THRB: variants seen among roughly 807,000 people sequenced by gnomAD.
The protein encoded by THRB is thyroid hormone receptor beta.
THRB carries 12 observed loss-of-function variants against 47.8 expected under a neutral mutation model. The ratio of observed to expected loss-of-function variants is 0.25; its 90% confidence interval spans 0.16 to 0.41. The LOEUF (loss-of-function observed/expected upper bound fraction) is 0.41, where lower values mean the gene tolerates loss of function less well. Among genes scored for constraint, THRB ranks in the 10% least tolerant of loss-of-function variants. THRB has a pLI of 1.00. For synonymous variants in THRB, 218 were observed against 212.2 expected (o/e 1.03, Z -0.24); for missense variants, 348 against 589.2 (o/e 0.59, Z 4.24).
intron 1 of THRB, among the ~76,000 whole-genome samples, chr3:24,463,971 G>C (rs184736792): frequency 6.6e-6 from 1 of 152,200 alleles, no homozygotes; most frequent in South Asian, 2.1e-4. Flanking sequence ...TTGCGGCTGG[G>C]CGCGGTGGCT....
At chr3:24,354,267 T>A (rs1553725603) in intron 1 of THRB, among the ~76,000 whole-genome samples, 1 of 152,012 alleles carries the variant, frequency 6.6e-6, no homozygotes, top group South Asian at 2.1e-4. Flanking sequence ...AAATAACTAA[T>A]GAGTAGTAGG....
At chr3:24,244,999 G>C (rs1255242430) in intron 3 of THRB, among the ~76,000 whole-genome samples, 2 of 152,136 alleles carry the variant, frequency 1.3e-5, no homozygotes, top group African/African-American at 2.4e-5. Context: ...AGTGCACAAA[G>C]GGTCTGTTTG....
intron 1 of THRB, among the ~76,000 whole-genome samples, chr3:24,486,857 T>C (rs1358029580): frequency 1.3e-5 from 2 of 152,238 alleles, no homozygotes; most frequent in South Asian, 2.1e-4. Context: ...CTATTCCCTG[T>C]TGCAGCTACA....
chr3:24,366,640 GAGA>G (rs1191443900), intron 1 of THRB, among the ~76,000 whole-genome samples: 8 of 43,170 alleles, frequency 1.9e-4, no homozygotes, highest in Admixed American at 4.2e-4. Flanking sequence ...TTTTTTTTTT[GAGA>G]AGGAGTCTCT....
chr3:24,370,642 C>G (rs1393850852), intron 1 of THRB, among the ~76,000 whole-genome samples: 1 of 152,100 alleles, frequency 6.6e-6, no homozygotes, highest in Non-Finnish European at 1.5e-5. Context: ...GGACAGTCTT[C>G]TAAACCAAAA....
chr3:24,481,229 G>GTTTTGTTT (rs1696316795), intron 1 of THRB, among the ~76,000 whole-genome samples: 5 of 55,380 alleles, frequency 9.0e-5, no homozygotes, highest in African/African-American at 3.8e-4. Context: ...GTTTCTTTCT[G>GTTTTGTTT]TTTTTTTTTT....
intron 2 of THRB, among the ~76,000 whole-genome samples, chr3:24,308,404 G>A (rs979282361): frequency 6.6e-5 from 10 of 152,174 alleles, no homozygotes; most frequent in Non-Finnish European, 1.2e-4. Flanking sequence ...TCTTTGCCAA[G>A]CCTTGTTTGA....
intron 3 of THRB, among the ~76,000 whole-genome samples, chr3:24,233,998 A>G (rs1433679368): frequency 6.6e-6 from 1 of 152,172 alleles, no homozygotes; most frequent in Non-Finnish European, 1.5e-5. Flanking sequence ...GCCTCTCTTG[A>G]GATGACCTGG....
At chr3:24,224,169 G>C (rs193089715) in intron 4 of THRB, among the ~76,000 whole-genome samples, 1 of 150,746 alleles carries the variant, frequency 6.6e-6, no homozygotes, top group East Asian at 1.9e-4. Context: ...ACATAGTAGA[G>C]TTTATCCAGA....
intron 1 of THRB, among the ~76,000 whole-genome samples, chr3:24,479,098 A>C (rs1179423685): frequency 6.6e-6 from 1 of 152,122 alleles, no homozygotes; most frequent in Non-Finnish European, 1.5e-5. Flanking sequence ...GGAGATCGAG[A>C]CCATCCTGGC....
chr3:24,351,304 G>A (rs760423720), intron 1 of THRB, among the ~76,000 whole-genome samples: 3 of 151,914 alleles, frequency 2.0e-5, no homozygotes, highest in Admixed American at 6.6e-5. Flanking sequence ...TGAAAGTTAC[G>A]TAAAGGATAT....
chr3:24,431,256 C>G (rs1240067894), intron 1 of THRB: 1 of 89,474 alleles, frequency 1.1e-5, no homozygotes, highest in Non-Finnish European at 2.6e-5. Context: ...CTCTCTCTCT[C>G]TCTCTACACA....
At chr3:24,173,566 C>G (rs1337178241) in intron 5 of THRB, among the ~76,000 whole-genome samples, 1 of 152,194 alleles carries the variant, frequency 6.6e-6, no homozygotes, top group Non-Finnish European at 1.5e-5. Flanking sequence ...ACTATCACAA[C>G]AGCACAAGCT....
chr3:24,124,212 C>T (rs191089221), intron 10 of THRB, among the ~76,000 whole-genome samples: 1 of 152,320 alleles, frequency 6.6e-6, no homozygotes, highest in Admixed American at 6.5e-5. Flanking sequence ...ATTCACCCTT[C>T]TGAGTCTAAA....
At chr3:24,378,512 T>C (rs2065457329) in intron 1 of THRB, among the ~76,000 whole-genome samples, 1 of 152,088 alleles carries the variant, frequency 6.6e-6, no homozygotes, top group Non-Finnish European at 1.5e-5. Context: ...TTCTTAGAAG[T>C]GAGAAATGGA....
chr3:24,477,529 T>C (rs1193477099), intron 1 of THRB, among the ~76,000 whole-genome samples: 1 of 152,012 alleles, frequency 6.6e-6, no homozygotes, highest in Non-Finnish European at 1.5e-5. Flanking sequence ...CAGCTCTTGG[T>C]GATGTGTATA....
intron 1 of THRB, among the ~76,000 whole-genome samples, chr3:24,374,763 A>G (rs2065156202): frequency 2.6e-5 from 4 of 152,090 alleles, no homozygotes; most frequent in Admixed American, 2.6e-4. Context: ...GTCTTTTAAG[A>G]TGATGTGTAC....
intron 1 of THRB, among the ~76,000 whole-genome samples, chr3:24,397,307 C>T (rs1299013191): frequency 6.6e-6 from 1 of 152,106 alleles, no homozygotes; most frequent in Admixed American, 6.5e-5. Flanking sequence ...CCCAGAGGGG[C>T]CCATCAAAAC....
chr3:24,266,180 C>T (rs2052628687), intron 3 of THRB, among the ~76,000 whole-genome samples: 1 of 152,078 alleles, frequency 6.6e-6, no homozygotes, highest in Admixed American at 6.6e-5. Context: ...AGAGTCTCTG[C>T]CCTCTTTTAA....
Sources: allele counts gnomAD v4.1 joint callset (sites outside exome capture counted in the v4.1 genomes callset), GRCh38; gene constraint gnomAD v4.1.1; transcripts MANE v1.5; gene names NCBI Gene and HGNC (gene_info 2026-07-23, HGNC 2026-07-21).